The following CPNE8 variants were observed in gnomAD, a reference collection of about 807,000 sequenced individuals.
CPNE8 encodes the protein copine 8, also known as copine-8.
A neutral mutation model predicts 81.5 loss-of-function variants in CPNE8; 45 were observed. The ratio of observed to expected loss-of-function variants is 0.55; its 90% CI spans 0.44 to 0.71. The LOEUF is 0.71. Among genes scored for constraint, CPNE8 ranks in the 30% least tolerant of loss-of-function variants. The pLI is 0.00. For missense variants in CPNE8, 594 were observed against 672.1 expected, an observed-to-expected ratio of 0.88 and a Z score of 1.28; for synonymous variants, 252 against 226.3, an observed-to-expected ratio of 1.11 and a Z score of -1.02.
chr12:38,691,570 C>T (rs938416988), intron 15 of CPNE8, among the ~76,000 whole-genome samples: 2 of 151,816 alleles, frequency 1.3e-5, no homozygotes, highest in East Asian at 3.9e-4. Context: ...GAAGTTGAAA[C>T]ATTATCATTA....
chr12:38,753,195 T>C (rs1941387736), intron 10 of CPNE8, among the ~76,000 whole-genome samples: 1 of 152,194 alleles, frequency 6.6e-6, no homozygotes, highest in South Asian at 2.1e-4. Flanking sequence ...CTCATGCCTG[T>C]AATCTCAGCA....
Position 38,769,537 on chromosome 12 carries a change from A to T in CPNE8, c.472-1799T>A, listed in dbSNP as rs535036111. ...ATTTTGAATGCCCCTTCATTTCCATATATATTTAAATGCCCTTGGGAGAGA... is the reference window on the plus strand; with the variant it reads ...ATTTTGAATGCCCCTTCATTTCCATTTATATTTAAATGCCCTTGGGAGAGA... On this transcript the variant is annotated intron_variant, in intron 7 of 19. Coordinates refer to ENST00000331366, the MANE Select transcript of CPNE8 (RefSeq NM_153634.3). 2.6e-5 allele frequency among the ~76,000 whole-genome samples: 4 copies of T among 152,284 alleles called. No homozygotes were observed. The South Asian group carries it at 8.3e-4, about 32-fold the overall frequency.
chr12:38,795,645 T>G (rs1426565215), intron 6 of CPNE8, among the ~76,000 whole-genome samples: 1 of 152,162 alleles, frequency 6.6e-6, no homozygotes, highest in Non-Finnish European at 1.5e-5. Flanking sequence ...TAATCCCACA[T>G]ATATGAAATA....
At chr12:38,735,360 T>C (rs1475704400) in intron 10 of CPNE8, among the ~76,000 whole-genome samples, 1 of 152,010 alleles carries the variant, frequency 6.6e-6, no homozygotes, top group African/African-American at 2.4e-5. Flanking sequence ...TTTAAATCTG[T>C]ATTTGTGGGC....
At chr12:38,879,731 T>C (rs925511784) in intron 1 of CPNE8, among the ~76,000 whole-genome samples, 3 of 152,092 alleles carry the variant, frequency 2.0e-5, no homozygotes, top group Non-Finnish European at 2.9e-5. Flanking sequence ...AAAGACGACC[T>C]GTGTGTGAAT....
Position 38,702,881 on chromosome 12 carries a change from A to G in CPNE8, c.955T>C (p.Ser319Pro). 1 of 1,558,042 alleles carries G rather than the reference A, an allele frequency of 6.4e-7. No homozygotes were observed. ...GGATAATCAAAACACTCACCGTTTG[A>G]TGCTGTAAAATCAATAGCCACTGTG... The part of the protein sequence containing the change: ...NFTVAIDFTA[S>P]NGNPAQPTSL... The change falls in exon 14 of 20, where the codon TCA becomes CCA. Residue 319 changes from serine (S) to proline (P), a missense_variant. Ser to Pro is a moderately conservative substitution (Grantham distance 74). Transcript: ENST00000331366.
At position 38,834,880 on chromosome 12, in the gene CPNE8, CT is replaced by C. The variant is rs1170152007; in HGVS notation, c.330+5035del. Among the ~76,000 whole-genome samples the C allele has an allele frequency of 2.8e-3, 396 of 143,268 alleles. 1 individual carries two copies. The highest frequency in any genetic ancestry group is 4.2e-3 in the East Asian group (21 of 4,956). The allele number at this position is 143,268 out of a possible 152,430, so 94.0% of individuals were successfully genotyped here. ...CTTTCTGTCACACCAACATTCCAAA[CT>C]TTTTTTTTTTTTTTGAGATGGAGTT... On this transcript the variant is annotated intron_variant, in intron 5 of 19. Transcript: ENST00000331366.
At chr12:38,894,428 T>C (rs1173725747) in intron 1 of CPNE8, among the ~76,000 whole-genome samples, 1 of 152,148 alleles carries the variant, frequency 6.6e-6, no homozygotes, top group Non-Finnish European at 1.5e-5. Flanking sequence ...CTTTCCCCAA[T>C]GCCTACAAGA....
In CPNE8 at chr12:38,677,404, C is replaced by G. The variant is rs747915651; in HGVS notation, c.1374+48G>C. On this transcript the variant is annotated intron_variant, in intron 17 of 19. Transcript: ENST00000331366. Reference sequence around the variant, plus strand: ...TAGACTCTAGTCTCTCTCTAAGTAGCACCATGTTGTCACGTAGCGAGCCCA... The same window carrying G: ...TAGACTCTAGTCTCTCTCTAAGTAGGACCATGTTGTCACGTAGCGAGCCCA... 22 of 965,450 alleles carry G rather than the reference C, an allele frequency of 2.3e-5. No individual in the cohort carries two copies. In the Middle Eastern group the frequency reaches 6.3e-4, roughly 28 times the overall value. 59.8% of individuals were successfully genotyped at this position (965,450 alleles called of 1,614,324 possible). A position where few individuals can be genotyped will look rare whatever the true frequency, so the allele number is the denominator to read the frequency against.
At chr12:38,882,613 A>G (rs1944178006) in intron 1 of CPNE8, among the ~76,000 whole-genome samples, 1 of 152,114 alleles carries the variant, frequency 6.6e-6, no homozygotes, top group Admixed American at 6.5e-5. Context: ...CCCATATCCC[A>G]GTTCATTCAC....
At chr12:38,701,729 G>A (rs1465677641) in intron 14 of CPNE8, among the ~76,000 whole-genome samples, 1 of 152,036 alleles carries the variant, frequency 6.6e-6, no homozygotes, top group African/African-American at 2.4e-5. Context: ...ACTGACCTCA[G>A]GTGATCTGCC....
At chr12:38,809,338 C>G (rs1942887819) in intron 6 of CPNE8, among the ~76,000 whole-genome samples, 2 of 152,158 alleles carry the variant, frequency 1.3e-5, no homozygotes, top group African/African-American at 2.4e-5. Context: ...AAGTCAGCAA[C>G]AAGTAGGTTG....
At chr12:38,828,910 A>T (rs114237010) in intron 6 of CPNE8, among the ~76,000 whole-genome samples, 301 of 152,270 alleles carry the variant, frequency 2.0e-3, no homozygotes, top group African/African-American at 6.7e-3. Context: ...GATGGAATAG[A>T]CCATTCTTAG....
chr12:38,749,058 C>T (rs555162417), intron 10 of CPNE8, among the ~76,000 whole-genome samples: 1 of 152,176 alleles, frequency 6.6e-6, no homozygotes, highest in East Asian at 1.9e-4. Flanking sequence ...CCCATAATTC[C>T]CACATGTTCT....
intron 1 of CPNE8, among the ~76,000 whole-genome samples, chr12:38,883,771 T>C (rs1267708396): frequency 1.3e-5 from 2 of 152,226 alleles, no homozygotes; most frequent in African/African-American, 4.8e-5. Flanking sequence ...CACAGTGTAC[T>C]CCATCAGTTT....
intron 19 of CPNE8, among the ~76,000 whole-genome samples, chr12:38,660,111 C>A (rs1938920055): frequency 6.6e-6 from 1 of 152,210 alleles, no homozygotes; most frequent in African/African-American, 2.4e-5. Flanking sequence ...ATGGAAAAAA[C>A]TACTTTAAAG....
At chr12:38,696,373 A>G (rs937576190) in intron 14 of CPNE8, among the ~76,000 whole-genome samples, 2 of 90,596 alleles carry the variant, frequency 2.2e-5, no homozygotes, top group Non-Finnish European at 4.6e-5. Flanking sequence ...GTTCTATACT[A>G]AAAAAAAAAA....
chr12:38,890,019 T>C (rs1944290437), intron 1 of CPNE8, among the ~76,000 whole-genome samples: 1 of 152,216 alleles, frequency 6.6e-6, no homozygotes. Flanking sequence ...TAGACCATGC[T>C]GCCAAAATGA....
At chr12:38,890,244 G>T (rs895407190) in intron 1 of CPNE8, among the ~76,000 whole-genome samples, 1 of 152,004 alleles carries the variant, frequency 6.6e-6, no homozygotes, top group African/African-American at 2.4e-5. Flanking sequence ...GATGTAATCA[G>T]GGATGACAAC....
Sources: allele counts gnomAD v4.1 joint callset (sites outside exome capture counted in the v4.1 genomes callset), GRCh38; gene constraint gnomAD v4.1.1; transcripts MANE v1.5; gene names NCBI Gene and HGNC (gene_info 2026-07-23, HGNC 2026-07-21).